Variants in CD86 observed in about 807,000 individuals in gnomAD.
CD86 encodes CD86 molecule.
Under a neutral mutation model 32.1 loss-of-function variants are expected in CD86, and 11 were observed. The ratio of observed to expected loss-of-function variants is 0.34; its 90% confidence interval spans 0.22 to 0.57. CD86 has a LOEUF of 0.57. Among genes scored for constraint, CD86 ranks in the 20% least tolerant of loss-of-function variants. The pLI is 0.86. For synonymous variants in CD86, 137 were observed against 135.3 expected, an observed-to-expected ratio of 1.01 and a Z score of -0.09; for missense variants, 359 against 398.4, an observed-to-expected ratio of 0.90 and a Z score of 0.84.
intron 5 of CD86, among the ~76,000 whole-genome samples, chr3:122,116,203 G>C (rs990218523): frequency 6.6e-6 from 1 of 152,158 alleles, no homozygotes; most frequent in Non-Finnish European, 1.5e-5. Context: ...AAAACGAAAA[G>C]TCAAACCACA....
intron 2 of CD86, among the ~76,000 whole-genome samples, chr3:122,096,231 A>T (rs1484815427): frequency 6.6e-6 from 1 of 151,998 alleles, no homozygotes; most frequent in Non-Finnish European, 1.5e-5. Context: ...ATGCCTGGCT[A>T]GTTTTTTTTG....
chr3:122,094,023 G>A (rs563587154), intron 2 of CD86, among the ~76,000 whole-genome samples: 16 of 152,292 alleles, frequency 1.1e-4, no homozygotes, highest in Admixed American at 1.0e-3. Flanking sequence ...TATAGCTTCT[G>A]CCTCATCCGT....
rs375167170 is a variant in CD86, at chr3:122,112,106, C to G, written c.847+2698C>G. On this transcript the variant is annotated intron_variant, in intron 5 of 6. Transcript: ENST00000330540. ...AACAGAAATCACCCTATCAGCTTAC[C>G]CATTGGGAGAAAAACTAAAATAGCT... Among the ~76,000 whole-genome samples, 6 of 152,026 alleles carry G rather than the reference C, an allele frequency of 3.9e-5. No homozygotes were observed. The South Asian group carries it at 1.2e-3, about 32-fold the overall frequency.
chr3:122,100,636 C>T (rs544956721), intron 2 of CD86, among the ~76,000 whole-genome samples: 1 of 152,276 alleles, frequency 6.6e-6, no homozygotes, highest in Admixed American at 6.5e-5. Flanking sequence ...CTTCATAAGG[C>T]TAGCAAATTA....
Position 122,120,426 on chromosome 3 carries a change from G to T in CD86, c.*892G>T, listed in dbSNP as rs775772991. On this transcript the variant is annotated 3_prime_UTR_variant, in exon 7 of 7. Coordinates refer to ENST00000330540, the MANE Select transcript of CD86 (RefSeq NM_175862.5). ...GAGAGAGAGAAAAAAGAGAGATCTT[G>T]ATCCACAGAAATACATGAAATGTCT... is the stretch of plus-strand genomic sequence containing the variant. The T allele has an allele frequency of 6.6e-6, 1 of 152,306 alleles. No individual in the cohort carries two copies. Among genetic ancestry groups the T allele is most frequent in the South Asian group, 2.1e-4 (1 of 4,824 alleles). 9.4% of individuals were successfully genotyped at this position (152,306 alleles called of 1,614,324 possible). A position where few individuals can be genotyped will look rare whatever the true frequency, so the allele number is the denominator to read the frequency against.
intron 2 of CD86, among the ~76,000 whole-genome samples, chr3:122,095,797 G>A (rs1576776682): frequency 6.6e-6 from 1 of 152,046 alleles, no homozygotes; most frequent in East Asian, 1.9e-4. Flanking sequence ...CAAATTAGTT[G>A]ATTGTTTCAG....
At chr3:122,080,423 C>T (rs1017814606) in intron 1 of CD86, among the ~76,000 whole-genome samples, 3 of 151,988 alleles carry the variant, frequency 2.0e-5, no homozygotes, top group East Asian at 3.9e-4. Context: ...CTTGGGGGAC[C>T]GGAAAAGCTA....
chr3:122,062,648 G>T (rs1376028490), intron 1 of CD86, among the ~76,000 whole-genome samples: 1 of 152,078 alleles, frequency 6.6e-6, no homozygotes, highest in Non-Finnish European at 1.5e-5. Context: ...GAGCTAGTTT[G>T]GTTGGTATCA....
At chr3:122,094,002 T>C (rs1009984911) in intron 2 of CD86, among the ~76,000 whole-genome samples, 1 of 152,202 alleles carries the variant, frequency 6.6e-6, no homozygotes, top group Non-Finnish European at 1.5e-5. Flanking sequence ...CTGAACAGCT[T>C]TGGTGGATAA....
chr3:122,085,459 A>C (rs1299678291), intron 1 of CD86, among the ~76,000 whole-genome samples: 1 of 152,240 alleles, frequency 6.6e-6, no homozygotes, highest in Non-Finnish European at 1.5e-5. Context: ...TGCCAGGTAC[A>C]GAGAGTTCTT....
At chr3:122,100,569 A>T (rs1179233872) in intron 2 of CD86, among the ~76,000 whole-genome samples, 3 of 152,200 alleles carry the variant, frequency 2.0e-5, no homozygotes, top group Non-Finnish European at 4.4e-5. Context: ...TAAACATATA[A>T]GATATGCATT....
chr3:122,116,448 C>G (rs1269187388), intron 5 of CD86, among the ~76,000 whole-genome samples: 1 of 152,088 alleles, frequency 6.6e-6, no homozygotes, highest in Admixed American at 6.5e-5. Context: ...CCACTGCACA[C>G]CCTCTAGAAT....
chr3:122,108,300 T>C (rs1341265350), intron 4 of CD86, among the ~76,000 whole-genome samples: 1 of 152,216 alleles, frequency 6.6e-6, no homozygotes, highest in African/African-American at 2.4e-5. Flanking sequence ...TTTTGCATGT[T>C]AAAAGGTAGC....
chr3:122,108,850 G>T (rs998035395), intron 4 of CD86, among the ~76,000 whole-genome samples: 3 of 152,186 alleles, frequency 2.0e-5, no homozygotes, highest in Non-Finnish European at 2.9e-5. Context: ...GTGGACAGAA[G>T]AATCATCACG....
At chr3:122,061,808 A>G (rs922257363) in intron 1 of CD86, among the ~76,000 whole-genome samples, 2 of 152,226 alleles carry the variant, frequency 1.3e-5, no homozygotes, top group African/African-American at 4.8e-5. Context: ...CCAAACATGC[A>G]TTTAGTATAT....
chr3:122,069,945 T>G lies in CD86; in HGVS notation c.14+14442T>G, dbSNP rs189734794. On this transcript the variant is annotated intron_variant, in intron 1 of 6. Coordinates refer to ENST00000330540, the MANE Select transcript of CD86 (RefSeq NM_175862.5). Reference sequence around the variant, plus strand: ...CTAAAGCAACTGCACATCTGAAGGCTATACTTATCCCTAGTACAATGGTAC... The same window carrying G: ...CTAAAGCAACTGCACATCTGAAGGCGATACTTATCCCTAGTACAATGGTAC... Among the ~76,000 whole-genome samples the G allele has an allele frequency of 2.0e-5, 3 of 152,348 alleles. No individual in the cohort carries two copies. In the East Asian group the frequency reaches 5.8e-4, roughly 29 times the overall value.
intron 2 of CD86, among the ~76,000 whole-genome samples, chr3:122,093,150 A>T (rs138581367): frequency 1.1e-3 from 172 of 151,864 alleles, no homozygotes; most frequent in Middle Eastern, 3.4e-3. Context: ...CTTCTTATTT[A>T]TTTATTTTAT....
rs1415904186 is a variant in CD86 at position 122,071,806 on chromosome 3, A to G, written c.14+16303A>G. On this transcript the variant is annotated intron_variant, in intron 1 of 6. Coordinates refer to ENST00000330540, the MANE Select transcript of CD86 (RefSeq NM_175862.5). ...TTAGTTACATATGTATACATGTGCC[A>G]TGTTGGTGTGCTGCACCCATTAACT... is the stretch of plus-strand genomic sequence containing the variant. 2.0e-5 allele frequency among the ~76,000 whole-genome samples: 3 copies of G among 151,460 alleles called. No homozygotes were observed. The East Asian group carries it at 5.9e-4, about 30-fold the overall frequency.
At chr3:122,110,154 T>C (rs2073151377) in intron 5 of CD86, among the ~76,000 whole-genome samples, 1 of 152,250 alleles carries the variant, frequency 6.6e-6, no homozygotes, top group Non-Finnish European at 1.5e-5. Context: ...GTCATAAATA[T>C]CATTCTACAG....
Sources: allele counts gnomAD v4.1 joint callset (sites outside exome capture counted in the v4.1 genomes callset), GRCh38; gene constraint gnomAD v4.1.1; transcripts MANE v1.5; gene names NCBI Gene and HGNC (gene_info 2026-07-23, HGNC 2026-07-21).